The following LIMS1 variants were observed in gnomAD, a reference collection of about 807,000 sequenced individuals.
LIMS1 encodes LIM and senescent cell antigen-like-containing domain protein 1.
LIMS1 carries 18 observed loss-of-function variants against 44.1 expected under a neutral mutation model. The ratio of observed to expected loss-of-function variants is 0.41; its 90% CI spans 0.28 to 0.61. The LOEUF (loss-of-function observed/expected upper bound fraction) is 0.61. LIMS1 is among the 20% of genes least tolerant of loss of function. LIMS1 has a pLI of 0.32. For missense variants in LIMS1, 201 were observed against 422.0 expected (o/e 0.48, Z 4.59); for synonymous variants, 93 against 149.1 (o/e 0.62, Z 2.74).
chr2:108,597,935 G>A (rs1003823374), intron 1 of LIMS1, among the ~76,000 whole-genome samples: 11 of 151,964 alleles, frequency 7.2e-5, no homozygotes, highest in Non-Finnish European at 1.2e-4. Context: ...CTGGTGATCC[G>A]CCCGCCTCAG....
chr2:108,547,100 C>A (rs188561822), intron 1 of LIMS1, among the ~76,000 whole-genome samples: 1 of 152,170 alleles, frequency 6.6e-6, no homozygotes, highest in Non-Finnish European at 1.5e-5. Flanking sequence ...TTTTACCTTG[C>A]GCTTTGGATT....
intron 1 of LIMS1, among the ~76,000 whole-genome samples, chr2:108,581,993 A>G (rs1234333911): frequency 2.0e-5 from 3 of 152,078 alleles, no homozygotes; most frequent in Non-Finnish European, 4.4e-5. Flanking sequence ...TGTTTTCTTG[A>G]TATAGTCAGA....
chr2:108,572,575 A>G (rs1390469554), intron 1 of LIMS1, among the ~76,000 whole-genome samples: 1 of 151,878 alleles, frequency 6.6e-6, no homozygotes, highest in African/African-American at 2.4e-5. Context: ...TAGTACAGAC[A>G]GGGTTTCACT....
At chr2:108,610,727 T>C (rs1687553587) in intron 1 of LIMS1, among the ~76,000 whole-genome samples, 1 of 152,234 alleles carries the variant, frequency 6.6e-6, no homozygotes, top group African/African-American at 2.4e-5. Context: ...TAATAATACA[T>C]TTGATTGATA....
intron 1 of LIMS1, among the ~76,000 whole-genome samples, chr2:108,554,048 C>G (rs1401532312): frequency 6.6e-6 from 1 of 152,140 alleles, no homozygotes; most frequent in African/African-American, 2.4e-5. Context: ...AATGACAAAG[C>G]TGATGTTGAG....
chr2:108,556,984 AAC>A (rs1419632305), intron 1 of LIMS1, among the ~76,000 whole-genome samples: 2 of 152,118 alleles, frequency 1.3e-5, no homozygotes, highest in African/African-American at 4.8e-5. Flanking sequence ...CCTTCTTTAA[AAC>A]AGTTTCTTTT....
intron 1 of LIMS1, among the ~76,000 whole-genome samples, chr2:108,535,509 G>GGTGTTAC (rs1684102681): frequency 6.6e-6 from 1 of 152,200 alleles, no homozygotes. Flanking sequence ...CTTGCAGTTT[G>GGTGTTAC]AATGCAGCTG....
Position 108,578,637 on chromosome 2 carries a change from A to G in LIMS1, c.32+44043A>G, listed in dbSNP as rs1391118561. Among the ~76,000 whole-genome samples the G allele has an allele frequency of 2.5e-5, 3 of 120,826 alleles. No individual in the cohort carries two copies. In the East Asian group the frequency reaches 8.3e-4, roughly 33 times the overall value. 79.3% of individuals were successfully genotyped at this position (120,826 alleles called of 152,430 possible). The stretch of plus-strand genomic sequence containing the variant: ...GAGACGGAGTCTCTCACTGTGGCCC[A>G]GGCTAGAATGCAGTGGCACGATCTC... On this transcript the variant is annotated intron_variant, in intron 1 of 9. Coordinates refer to ENST00000544547, the Ensembl canonical transcript of LIMS1.
At chr2:108,676,057 A>G (rs776390112) in intron 6 of LIMS1, 29 bp downstream of exon 6, 58 of 1,587,206 alleles carry the variant, frequency 3.7e-5, no homozygotes, top group Admixed American at 1.8e-4. Flanking sequence ...AGGGTAACCA[A>G]TCCTTTCAAA....
chr2:108,596,916 T>G (rs565024331), intron 1 of LIMS1, among the ~76,000 whole-genome samples: 668 of 8,114 alleles, frequency 0.082, 9 homozygotes, highest in African/African-American at 0.14. Flanking sequence ...GAAACATCTG[T>G]TTTTTTTTTT....
At chr2:108,599,129 A>G (rs1384733022) in intron 1 of LIMS1, among the ~76,000 whole-genome samples, 1 of 151,986 alleles carries the variant, frequency 6.6e-6, no homozygotes, top group Non-Finnish European at 1.5e-5. Flanking sequence ...GGTCTTATTC[A>G]TTCTTTCTAA....
chr2:108,594,908 A>G (rs1285016321), intron 1 of LIMS1, among the ~76,000 whole-genome samples: 2 of 151,884 alleles, frequency 1.3e-5, no homozygotes, highest in East Asian at 3.9e-4. Flanking sequence ...AGGTAGACAG[A>G]CTCATCCTAA....
intron 1 of LIMS1, among the ~76,000 whole-genome samples, chr2:108,563,603 A>G (rs1018978999): frequency 6.6e-6 from 1 of 152,222 alleles, no homozygotes; most frequent in Non-Finnish European, 1.5e-5. Flanking sequence ...TGAACAGATG[A>G]GGGGTTGCTT....
chr2:108,569,178 A>AC (rs1366185925), intron 1 of LIMS1, among the ~76,000 whole-genome samples: 1 of 152,186 alleles, frequency 6.6e-6, no homozygotes, highest in African/African-American at 2.4e-5. Flanking sequence ...GGCGTGAGCC[A>AC]CCGCACCTGG....
chr2:108,568,263 C>T (rs890705242), intron 1 of LIMS1, among the ~76,000 whole-genome samples: 1 of 152,150 alleles, frequency 6.6e-6, no homozygotes, highest in Admixed American at 6.5e-5. Context: ...CTTTAGATAC[C>T]TCCTATAGGT....
At chr2:108,583,058 GA>G (rs1407010545) in intron 1 of LIMS1, among the ~76,000 whole-genome samples, 1 of 151,968 alleles carries the variant, frequency 6.6e-6, no homozygotes, top group African/African-American at 2.4e-5. Context: ...TTGTTTTTTA[GA>G]TGGAGTTTCA....
chr2:108,616,097 AC>A (rs147550038), intron 1 of LIMS1, among the ~76,000 whole-genome samples: 3,889 of 152,022 alleles, frequency 0.026, 124 homozygotes, highest in South Asian at 0.13. Context: ...GCTTTTGAGA[AC>A]ATTTGATAAT....
chr2:108,577,510 G>A (rs1461667898), intron 1 of LIMS1, among the ~76,000 whole-genome samples: 1 of 152,236 alleles, frequency 6.6e-6, no homozygotes, highest in Non-Finnish European at 1.5e-5. Context: ...AATATTCACT[G>A]AAATGAAAAT....
intron 1 of LIMS1, among the ~76,000 whole-genome samples, chr2:108,565,751 G>A (rs556091548): frequency 6.6e-6 from 1 of 152,220 alleles, no homozygotes; most frequent in Admixed American, 6.5e-5. Flanking sequence ...CAGTTTTCGA[G>A]GCTGGGAAGT....
Sources: gnomAD v4.1 joint callset for allele counts (sites outside exome capture counted in the v4.1 genomes callset) on GRCh38, gnomAD v4.1.1 for gene constraint, MANE v1.5 for transcripts, NCBI Gene and HGNC (gene_info 2026-07-23, HGNC 2026-07-21) for gene names.